ZNF283: variants seen among roughly 807,000 people sequenced by gnomAD.
ZNF283 encodes zinc finger protein 283, also known as zinc finger protein 41.
ZNF283 carries 10 observed loss-of-function variants against 9.2 expected under a neutral mutation model. That is an observed-to-expected ratio of 1.09 (90% CI 0.67 to 1.85). The LOEUF is 1.85. ZNF283 is among the 40% of genes most tolerant of loss of function. The pLI, the probability that ZNF283 is intolerant of heterozygous loss-of-function variation, is 0.00. For synonymous variants in ZNF283, 234 were observed against 244.1 expected, an observed-to-expected ratio of 0.96 and a Z score of 0.38; for missense variants, 631 against 760.1, an observed-to-expected ratio of 0.83 and a Z score of 2.00.
Position 43,831,466 on chromosome 19 carries a change from C to G in ZNF283, c.-1+85C>G, listed in dbSNP as rs572184891. 2.3e-5 allele frequency: 25 copies of G among 1,072,442 alleles called. No homozygotes were observed. In the East Asian group the frequency reaches 3.3e-4, roughly 14 times the overall value. The allele number at this position is 1,072,442 out of a possible 1,614,324, so 66.4% of individuals were successfully genotyped here. ...TCTTAATGACTGGAATATATTCCTC[C>G]TGTCACTCAGTTTTTTACATTTGGA... On this transcript the variant is annotated intron_variant, in intron 3 of 6. Coordinates refer to ENST00000618787, the MANE Select transcript of ZNF283 (RefSeq NM_181845.2).
rs949996347 is a variant in ZNF283 at position 43,849,464 on chromosome 19, A to G, written c.*823A>G. The stretch of plus-strand genomic sequence containing the variant: ...GCACCTCTCTGATTAGAATAGCAGA[A>G]TATTCATACTATAGCAAGATTTGGC... On this transcript the variant is annotated 3_prime_UTR_variant, in exon 7 of 7. Coordinates refer to ENST00000618787, the MANE Select transcript of ZNF283 (RefSeq NM_181845.2). 1 of 152,234 alleles carries G rather than the reference A, an allele frequency of 6.6e-6. No homozygotes were observed. The highest frequency in any genetic ancestry group is 6.5e-5 in the Admixed American group (1 of 15,288). The allele number at this position is 152,234 out of a possible 1,614,324, so 9.4% of individuals were successfully genotyped here. A position where few individuals can be genotyped will look rare whatever the true frequency, so the allele number is the denominator to read the frequency against.
rs10421861 is a variant in ZNF283, at chr19:43,846,955, G to A, written c.354G>A (p.Thr118=). ...TTCTTTCAGATTTGGAGTCAAAAAC[G>A]TATGAGACCAAAAAAATATTTTCAG... ...NLVSLDLESK[T]YETKKIFSEN... Residue 118 remains threonine (T), a synonymous_variant, in exon 7 of 7, where the codon ACG becomes ACA. Transcript: ENST00000618787. 0.43 allele frequency: 672,834 copies of A among 1,554,266 alleles called. 146,426 individuals carry two copies. Among genetic ancestry groups the A allele is most frequent in the South Asian group, 0.58 (49,014 of 84,850 alleles).
At chr19:43,830,936 C>T (rs796949119) in intron 2 of ZNF283, among the ~76,000 whole-genome samples, 7 of 142,750 alleles carry the variant, frequency 4.9e-5, no homozygotes, top group African/African-American at 1.8e-4. Flanking sequence ...AAATTAGTGT[C>T]CAATAGAATG....
chr19:43,845,830 A>T (rs748190026), intron 6 of ZNF283, among the ~76,000 whole-genome samples: 93 of 152,108 alleles, frequency 6.1e-4, no homozygotes, highest in Non-Finnish European at 1.1e-3. Context: ...TATGCATTTA[A>T]ACCTGCTAAT....
At chr19:43,827,496 C>T (rs1970524896) in intron 1 of ZNF283, 52 bp downstream of exon 1, 1 of 151,786 alleles carries the variant, frequency 6.6e-6, no homozygotes, top group African/African-American at 2.4e-5. Flanking sequence ...GCTGGGAGGG[C>T]TCGGCTGGCT....
intron 2 of ZNF283, among the ~76,000 whole-genome samples, chr19:43,829,062 G>A (rs914296073): frequency 1.3e-5 from 2 of 152,182 alleles, no homozygotes; most frequent in African/African-American, 2.4e-5. Context: ...TCTGTGGCAT[G>A]TAAGAAGCCG....
At chr19:43,832,846 T>C (rs1970774082) in intron 3 of ZNF283, among the ~76,000 whole-genome samples, 1 of 151,972 alleles carries the variant, frequency 6.6e-6, no homozygotes, top group Admixed American at 6.6e-5. Context: ...TGAGACCCTT[T>C]CTTTACAAAC....
chr19:43,848,144 T>C lies in ZNF283; in HGVS notation c.1543T>C (p.Tyr515His). ...GGTATTTCACACTGGTGAGAAACCC[T>C]ATGAATGTAAGGAATGTGGGAAGGC... ...HQVFHTGEKPYECKECGKAFN... is the reference protein window; with the variant it reads ...HQVFHTGEKPHECKECGKAFN... The change falls in exon 7 of 7, where the codon TAT becomes CAT. Residue 515 changes from tyrosine to histidine, a missense_variant. Tyr to His is a moderately conservative substitution (Grantham distance 83). Transcript: ENST00000618787. 6.2e-7 allele frequency: 1 copy of C among 1,613,948 alleles called. No homozygotes were observed. The highest frequency in any genetic ancestry group is 1.3e-5 in the African/African-American group (1 of 74,992).
At position 43,847,131 on chromosome 19, in the gene ZNF283, A is replaced by G; in HGVS notation, c.530A>G (p.Gln177Arg). The change falls in exon 7 of 7, where the codon CAA (glutamine) becomes CGA (arginine). Residue 177 changes from glutamine (Q) to arginine (R), a missense_variant. Gln to Arg is a conservative substitution (Grantham distance 43). Around this residue, in one of 3 missense-constraint regions of ZNF283, gnomAD observed 184 missense variants for 220.0 expected, o/e 0.84. Transcript: ENST00000618787. ...GGACATCAAGAGGGATACTTCAGTC[A>G]AATGATAATCAGCTATGAAAAAATA... ...LKGHQEGYFSQMIISYEKIPS... is the reference protein window; with the variant it reads ...LKGHQEGYFSRMIISYEKIPS... 6.2e-7 allele frequency: 1 copy of G among 1,613,512 alleles called. No individual in the cohort carries two copies. The highest frequency in any genetic ancestry group is 8.5e-7 in the Non-Finnish European group (1 of 1,179,634).
At chr19:43,834,677 G>A (rs1339612476) in intron 4 of ZNF283, among the ~76,000 whole-genome samples, 1 of 151,978 alleles carries the variant, frequency 6.6e-6, no homozygotes, top group Non-Finnish European at 1.5e-5. Context: ...CTCACTGCCA[G>A]CTCTGCCTCC....
chr19:43,840,558 T>A (rs1971160059), intron 6 of ZNF283: 1 of 152,234 alleles, frequency 6.6e-6, no homozygotes, highest in Non-Finnish European at 1.5e-5. Context: ...AAATGGGGGA[T>A]GGTGGCTTGC....
chr19:43,831,709 A>G (rs1224278005), intron 3 of ZNF283, among the ~76,000 whole-genome samples: 1 of 152,030 alleles, frequency 6.6e-6, no homozygotes, highest in Non-Finnish European at 1.5e-5. Context: ...GCTCACTGCA[A>G]CCTCCACCTC....
rs1288735292 is a variant in ZNF283, at chr19:43,847,667, TTCAG to T, written c.1069_1072del (p.Ser357ValfsTer229). On this transcript the variant is annotated frameshift_variant, in exon 7 of 7. Transcript: ENST00000618787. LOFTEE classifies it low-confidence loss of function (END_TRUNC). ...TAAATGTAAAGAATGTGGGAAGGCC[TTCAG>T]TCGTGGCTATCAGCTTACTCAGCAT... 6.2e-7 allele frequency: 1 copy of T among 1,613,828 alleles called. No individual in the cohort carries two copies. Among genetic ancestry groups the T allele is most frequent in the East Asian group, 2.2e-5 (1 of 44,862 alleles).
In ZNF283 at chr19:43,847,742, G is replaced by C; in HGVS notation, c.1141G>C (p.Gly381Arg). Residue 381 changes from glycine (G) to arginine (R), a missense_variant, in exon 7 of 7, where the codon GGA becomes CGA. Physicochemically the swap from Gly to Arg is moderately radical, Grantham distance 125. Coordinates refer to ENST00000618787, the MANE Select transcript of ZNF283 (RefSeq NM_181845.2). ...GAAACCTTATGAATGTAAAATATGT[G>C]GAAAGGCTTTTTGTTGGGGCTATCA... ...GKKPYECKIC[G>R]KAFCWGYQLT... 6.2e-7 allele frequency: 1 copy of C among 1,613,446 alleles called. No individual in the cohort carries two copies. Among genetic ancestry groups the C allele is most frequent in the Non-Finnish European group, 8.5e-7 (1 of 1,179,824 alleles).
At chr19:43,846,898 G>C (rs946664006) in intron 6 of ZNF283, 41 bp from the exon 7 acceptor site, 2 of 1,151,878 alleles carry the variant, frequency 1.7e-6, no homozygotes, top group South Asian at 2.1e-5. Context: ...TTTTTCCCTA[G>C]TGAAGGAAAT....
chr19:43,828,692 T>C (rs1417435396), intron 2 of ZNF283, among the ~76,000 whole-genome samples: 41 of 152,248 alleles, frequency 2.7e-4, no homozygotes, highest in Admixed American at 9.2e-4. Context: ...GGTCTCACTC[T>C]GTTGCCCAGG....
At chr19:43,831,928 A>G (rs1385186879) in intron 3 of ZNF283, among the ~76,000 whole-genome samples, 28 of 151,814 alleles carry the variant, frequency 1.8e-4, no homozygotes. Context: ...CACACCCAGC[A>G]CTTTGGAATA....
chr19:43,847,385 C>A lies in ZNF283; in HGVS notation c.784C>A (p.Pro262Thr). The change falls in exon 7 of 7, where the codon CCC becomes ACC. Residue 262 changes from proline (P) to threonine (T), a missense_variant. Around this residue, in one of 3 missense-constraint regions of ZNF283, gnomAD observed 444 missense variants for 522.5 expected, o/e 0.85. Coordinates refer to ENST00000618787, the MANE Select transcript of ZNF283 (RefSeq NM_181845.2). Reference sequence around the variant, plus strand: ...TCAGAGATTTCATACTGGTGAGAAACCCTATGAGTGTAAGGAATGTGGGAA... The same window carrying A: ...TCAGAGATTTCATACTGGTGAGAAAACCTATGAGTGTAAGGAATGTGGGAA... ...VHQRFHTGEK[P>T]YECKECGKTF... 3 of 1,613,822 alleles carry A rather than the reference C, an allele frequency of 1.9e-6. No individual in the cohort carries two copies. Among genetic ancestry groups the A allele is most frequent in the Non-Finnish European group, 1.7e-6 (2 of 1,179,888 alleles).
In ZNF283 at chr19:43,835,535, A is replaced by G. The variant is rs761935602; in HGVS notation, c.153A>G (p.Pro51=). 6.2e-7 allele frequency: 1 copy of G among 1,611,486 alleles called. No individual in the cohort carries two copies. Among genetic ancestry groups the G allele is most frequent in the Non-Finnish European group, 8.5e-7 (1 of 1,178,768 alleles). Residue 51 remains proline (P), a synonymous_variant, in exon 5 of 7, where the codon CCA becomes CCG. Transcript: ENST00000618787. ...SSGFSGFCAS[P]IEESHGALIS... is the part of the protein sequence containing the mutation. ...GCTTTTCTGGATTCTGTGCTTCACCAATAGAGGAATCCCATGGAGCATTAA... is the reference window on the plus strand; with the variant it reads ...GCTTTTCTGGATTCTGTGCTTCACCGATAGAGGAATCCCATGGAGCATTAA...
Sources: allele counts gnomAD v4.1 joint callset (sites outside exome capture counted in the v4.1 genomes callset), GRCh38; gene constraint gnomAD v4.1.1; regional missense constraint gnomAD v4.1.1; transcripts MANE v1.5; gene names NCBI Gene and HGNC (gene_info 2026-07-23, HGNC 2026-07-21).